Variants in HAO2 observed in about 807,000 individuals in gnomAD.
The protein encoded by HAO2 is hydroxyacid oxidase 2, also known as 2-Hydroxyacid oxidase 2.
HAO2 carries 42 observed loss-of-function variants against 37.4 expected under a neutral mutation model. The ratio of observed to expected loss-of-function variants is 1.12; its 90% CI spans 0.88 to 1.45. The LOEUF is 1.45. Among genes scored for constraint, HAO2 ranks in the 40% most tolerant of loss-of-function variants. The pLI is 0.00. For missense variants in HAO2, 476 were observed against 430.2 expected (o/e 1.11, Z -0.94); for synonymous variants, 180 against 162.8 (o/e 1.11, Z -0.81).
intron 3 of HAO2, among the ~76,000 whole-genome samples, chr1:119,383,730 C>A (rs114196466): frequency 1.3e-5 from 2 of 151,778 alleles, no homozygotes; most frequent in Non-Finnish European, 2.9e-5. Flanking sequence ...GGGACTCTTT[C>A]GTAATCTTCA....
At position 119,384,986 on chromosome 1, in the gene HAO2, G is replaced by T. The variant is rs745498252; in HGVS notation, c.494G>T (p.Arg165Met). 1.2e-6 allele frequency: 2 copies of T among 1,613,920 alleles called. No individual in the cohort carries two copies. The highest frequency in any genetic ancestry group is 1.7e-6 in the Non-Finnish European group (2 of 1,179,844). Residue 165 changes from arginine (R) to methionine (M), a missense_variant, in exon 4 of 8, where the codon AGG becomes ATG. Arg to Met is a moderately conservative substitution (Grantham distance 91). Transcript: ENST00000325945. ...ITLDTPVCGN[R>M]RHDIRNQLRR... ...TTGGATACACCTGTATGTGGCAACA[G>T]GCGACATGACATTCGAAACCAGTTG...
intron 1 of HAO2, chr1:119,380,803 G>A (rs1570767643): frequency 4.5e-6 from 4 of 887,220 alleles, no homozygotes; most frequent in East Asian, 2.4e-5. Flanking sequence ...GGTGGTGTGT[G>A]TACAGTGGAG....
intron 1 of HAO2, among the ~76,000 whole-genome samples, chr1:119,379,227 T>C (rs1649720131): frequency 6.6e-6 from 1 of 152,162 alleles, no homozygotes; most frequent in Non-Finnish European, 1.5e-5. Flanking sequence ...TGTTGGAGGC[T>C]GGTCATATGG....
intron 1 of HAO2, chr1:119,380,630 C>T: frequency 1.7e-6 from 2 of 1,168,020 alleles, no homozygotes; most frequent in Non-Finnish European, 2.6e-6. Context: ...ATGACGTGGG[C>T]ACATTGAAAG....
At chr1:119,380,511 C>T (rs1440456423) in intron 1 of HAO2, 4 of 592,422 alleles carry the variant, frequency 6.8e-6, no homozygotes, top group East Asian at 5.7e-5. Context: ...CAGCTCCAGA[C>T]AATTCAAACA....
At chr1:119,371,151 C>T (rs757731354) in intron 1 of HAO2, among the ~76,000 whole-genome samples, 2 of 152,178 alleles carry the variant, frequency 1.3e-5, no homozygotes, top group Non-Finnish European at 2.9e-5. Flanking sequence ...AAATGTCTCC[C>T]CCATACCAGT....
chr1:119,382,046 G>T (rs967777428), intron 2 of HAO2, among the ~76,000 whole-genome samples: 5 of 152,120 alleles, frequency 3.3e-5, no homozygotes, highest in Admixed American at 3.3e-4. Flanking sequence ...TGATACAGAG[G>T]TCAGGAGAAA....
chr1:119,378,916 T>C (rs1470400740), intron 1 of HAO2, among the ~76,000 whole-genome samples: 2 of 152,222 alleles, frequency 1.3e-5, no homozygotes, highest in African/African-American at 2.4e-5. Context: ...CTCAGTGCCA[T>C]GTACTATCCT....
intron 5 of HAO2, among the ~76,000 whole-genome samples, chr1:119,387,270 T>C (rs1650470304): frequency 6.6e-6 from 1 of 152,200 alleles, no homozygotes; most frequent in Non-Finnish European, 1.5e-5. Flanking sequence ...AAGTCCATAA[T>C]TTTTTCCCTT....
At chr1:119,387,388 CATT>C (rs1650476811) in intron 5 of HAO2, among the ~76,000 whole-genome samples, 1 of 152,124 alleles carries the variant, frequency 6.6e-6, no homozygotes, top group African/African-American at 2.4e-5. Flanking sequence ...GATTTGTTTT[CATT>C]GAGTTATATT....
intron 1 of HAO2, among the ~76,000 whole-genome samples, chr1:119,378,767 G>C (rs890016715): frequency 6.6e-6 from 1 of 152,174 alleles, no homozygotes; most frequent in Admixed American, 6.5e-5. Flanking sequence ...GCCTTTCTAT[G>C]AGTGTGTAAT....
In HAO2 at chr1:119,386,747, T is replaced by C. The variant is rs150926140; in HGVS notation, c.687T>C (p.Asp229=). 4.2e-5 allele frequency: 67 copies of C among 1,613,606 alleles called. No individual in the cohort carries two copies. The highest frequency in any genetic ancestry group is 5.5e-5 in the Non-Finnish European group (65 of 1,179,642). The change falls in exon 5 of 8, where the codon GAT becomes GAC. Residue 229 remains aspartate (D), a synonymous_variant. Transcript: ENST00000325945. ...TGAAAGGGATTTTGACAAAAGAGGA[T>C]GCAGAGTTAGCTGTGAAGCACAATG... ...IILKGILTKE[D]AELAVKHNVQ... is the part of the protein sequence containing the mutation.
rs1422727465 is a variant in HAO2, at chr1:119,384,958, A to G, written c.466A>G (p.Thr156Ala). 2 of 1,613,676 alleles carry G rather than the reference A, an allele frequency of 1.2e-6. No homozygotes were observed. Among genetic ancestry groups the G allele is most frequent in the East Asian group, 2.2e-5 (1 of 44,858 alleles). ...CCTAGGTTTCAAAGCTTTGGTAATAACTTTGGATACACCTGTATGTGGCAA... is the reference window on the plus strand; with the variant it reads ...CCTAGGTTTCAAAGCTTTGGTAATAGCTTTGGATACACCTGTATGTGGCAA... The part of the protein sequence containing the change: ...ESLGFKALVI[T>A]LDTPVCGNRR... The change falls in exon 4 of 8, where the codon ACT (threonine) becomes GCT (alanine). Residue 156 changes from threonine (T) to alanine (A), a missense_variant. Physicochemically the swap from Thr to Ala is moderately conservative, Grantham distance 58. Transcript: ENST00000325945.
intron 7 of HAO2, 92 bp from the exon 8 acceptor site, chr1:119,393,693 C>A: frequency 1.0e-6 from 1 of 976,942 alleles, no homozygotes; most frequent in South Asian, 1.3e-5. Context: ...AAGATCAAGT[C>A]AGACTTGCTC....
At chr1:119,388,507 T>C (rs1231477130) in intron 5 of HAO2, among the ~76,000 whole-genome samples, 1 of 152,202 alleles carries the variant, frequency 6.6e-6, no homozygotes, top group Admixed American at 6.5e-5. Context: ...CTTATTGTGC[T>C]AATCAACTTG....
chr1:119,375,992 C>T (rs1210282878), intron 1 of HAO2, among the ~76,000 whole-genome samples: 1 of 152,152 alleles, frequency 6.6e-6, no homozygotes, highest in Non-Finnish European at 1.5e-5. Flanking sequence ...ACTCCTGGCC[C>T]CTCACAAATC....
At chr1:119,392,412 T>C (rs191079489) in intron 6 of HAO2, 144 bp downstream of exon 6, 890 of 754,102 alleles carry the variant, frequency 1.2e-3, no homozygotes, top group Non-Finnish European at 1.8e-3. Context: ...TCCATGCTTC[T>C]TCTGAAGCCC....
chr1:119,383,662 C>CAATAAT (rs749935310), intron 3 of HAO2, among the ~76,000 whole-genome samples: 57 of 151,564 alleles, frequency 3.8e-4, no homozygotes, highest in South Asian at 1.0e-3. Context: ...CCACCACCGC[C>CAATAAT]AATAATAATA....
In HAO2 at chr1:119,386,952, G is replaced by A. The variant is rs1650434416; in HGVS notation, c.771+121G>A. ...TATTTCACTCCTCTGTACCACATGTGTTGGTATGTATCTGTGAATTTTAAG... is the reference window on the plus strand; with the variant it reads ...TATTTCACTCCTCTGTACCACATGTATTGGTATGTATCTGTGAATTTTAAG... On this transcript the variant is annotated intron_variant, in intron 5 of 7. Coordinates refer to ENST00000325945, the MANE Select transcript of HAO2 (RefSeq NM_016527.4). 7 of 682,590 alleles carry A rather than the reference G, an allele frequency of 1.0e-5. No individual in the cohort carries two copies. The South Asian group carries it at 1.2e-4, about 11-fold the overall frequency. The allele number at this position is 682,590 out of a possible 1,614,324, so 42.3% of individuals were successfully genotyped here. A position where few individuals can be genotyped will look rare whatever the true frequency, so the allele number is the denominator to read the frequency against.
Sources: allele counts gnomAD v4.1 joint callset (sites outside exome capture counted in the v4.1 genomes callset), GRCh38; gene constraint gnomAD v4.1.1; transcripts MANE v1.5; gene names NCBI Gene and HGNC (gene_info 2026-07-23, HGNC 2026-07-21).